EXOC6B: variants seen among roughly 807,000 people sequenced by gnomAD.
The protein encoded by EXOC6B is SEC15 homolog B.
In EXOC6B, 54 loss-of-function variants were observed where a neutral mutation model predicts 113.5. The observed-to-expected ratio is 0.48, with a 90% confidence interval of 0.38 to 0.60. The LOEUF is 0.60. EXOC6B is among the 20% of genes least tolerant of loss of function. The pLI is 0.00. For synonymous variants in EXOC6B, 357 were observed against 339.0 expected, an observed-to-expected ratio of 1.05 and a Z score of -0.58; for missense variants, 797 against 977.5, an observed-to-expected ratio of 0.82 and a Z score of 2.46.
At chr2:72,454,098 G>T (rs557466927) in intron 18 of EXOC6B, among the ~76,000 whole-genome samples, 7 of 152,240 alleles carry the variant, frequency 4.6e-5, no homozygotes, top group South Asian at 4.2e-4. Flanking sequence ...GACACGCGGG[G>T]ATTATTACAA....
At chr2:72,366,199 T>A (rs927869351) in intron 19 of EXOC6B, among the ~76,000 whole-genome samples, 1 of 151,748 alleles carries the variant, frequency 6.6e-6, no homozygotes, top group Admixed American at 6.6e-5. Context: ...GTTCCATATG[T>A]TAACAAGGTA....
At chr2:72,507,570 AAAAATT>A (rs1230796569) in intron 11 of EXOC6B, among the ~76,000 whole-genome samples, 1 of 152,066 alleles carries the variant, frequency 6.6e-6, no homozygotes, top group Non-Finnish European at 1.5e-5. Context: ...CCCCAGAACT[AAAAATT>A]AAAATTAAAA....
intron 1 of EXOC6B, among the ~76,000 whole-genome samples, chr2:72,762,761 T>C (rs984709309): frequency 3.9e-5 from 6 of 151,908 alleles, no homozygotes; most frequent in Non-Finnish European, 5.9e-5. Flanking sequence ...TATAAAATAT[T>C]ATTATTATTT....
At chr2:72,505,071 T>C (rs1437036854) in intron 11 of EXOC6B, among the ~76,000 whole-genome samples, 1 of 152,226 alleles carries the variant, frequency 6.6e-6, no homozygotes, top group Admixed American at 6.5e-5. Context: ...GTGAGGTTTT[T>C]TTCTTATAAT....
At chr2:72,513,559 C>A (rs1701058959) in intron 10 of EXOC6B, among the ~76,000 whole-genome samples, 2 of 151,396 alleles carry the variant, frequency 1.3e-5, no homozygotes, top group Non-Finnish European at 2.9e-5. Context: ...GTAATGGAGG[C>A]AAATTTTGTT....
chr2:72,554,662 T>C (rs1363573771), intron 8 of EXOC6B, among the ~76,000 whole-genome samples: 1 of 152,192 alleles, frequency 6.6e-6, no homozygotes. Flanking sequence ...ATTAAACCTC[T>C]TTTCTTTATA....
At chr2:72,302,106 A>T (rs1686569163) in intron 20 of EXOC6B, among the ~76,000 whole-genome samples, 1 of 152,204 alleles carries the variant, frequency 6.6e-6, no homozygotes, top group Non-Finnish European at 1.5e-5. Context: ...CCCAAAAGTC[A>T]TTCAGGAGCA....
intron 1 of EXOC6B, among the ~76,000 whole-genome samples, chr2:72,766,242 G>A (rs1408643223): frequency 6.6e-6 from 1 of 152,188 alleles, no homozygotes; most frequent in Non-Finnish European, 1.5e-5. Flanking sequence ...AGCCAGCTCA[G>A]TCGTTGACTG....
chr2:72,682,635 T>C lies in EXOC6B; in HGVS notation c.669+35468A>G, dbSNP rs559563911. Among the ~76,000 whole-genome samples the C allele has an allele frequency of 5.3e-5, 8 of 152,310 alleles. No homozygotes were observed. In the South Asian group the frequency reaches 1.0e-3, roughly 20 times the overall value. On this transcript the variant is annotated intron_variant, in intron 6 of 21. Coordinates refer to ENST00000272427, the MANE Select transcript of EXOC6B (RefSeq NM_015189.3). Reference sequence around the variant, plus strand: ...AAGAAAAACAGAACTATTCATTCAATTGATAATTTTAAAAGATATAAGTTG... The same window carrying C: ...AAGAAAAACAGAACTATTCATTCAACTGATAATTTTAAAAGATATAAGTTG...
At chr2:72,605,549 A>G (rs1247766995) in intron 6 of EXOC6B, among the ~76,000 whole-genome samples, 1 of 152,180 alleles carries the variant, frequency 6.6e-6, no homozygotes, top group Non-Finnish European at 1.5e-5. Flanking sequence ...TAACCAAATT[A>G]TTATCTTTGC....
chr2:72,237,681 C>T (rs1277029707), intron 20 of EXOC6B, among the ~76,000 whole-genome samples: 7 of 152,156 alleles, frequency 4.6e-5, no homozygotes, highest in African/African-American at 1.4e-4. Flanking sequence ...CAGTTCGTGT[C>T]GGACTTCACA....
chr2:72,512,861 T>C (rs1451657801), intron 11 of EXOC6B, among the ~76,000 whole-genome samples: 2 of 152,054 alleles, frequency 1.3e-5, no homozygotes, highest in African/African-American at 4.8e-5. Flanking sequence ...AGAGAATATG[T>C]ATGAAGTAAA....
chr2:72,655,426 T>C (rs1674506085), intron 6 of EXOC6B, among the ~76,000 whole-genome samples: 1 of 152,078 alleles, frequency 6.6e-6, no homozygotes, highest in Middle Eastern at 3.4e-3. Context: ...TGGAGGAAGA[T>C]ACATTCTGAA....
intron 20 of EXOC6B, among the ~76,000 whole-genome samples, chr2:72,217,588 C>G (rs989104580): frequency 6.6e-5 from 10 of 152,204 alleles, no homozygotes; most frequent in Admixed American, 2.6e-4. Context: ...AAGACATGGT[C>G]TTACAAAACA....
At chr2:72,223,205 A>G (rs914667922) in intron 20 of EXOC6B, among the ~76,000 whole-genome samples, 4 of 151,648 alleles carry the variant, frequency 2.6e-5, no homozygotes, top group Middle Eastern at 3.2e-3. Context: ...ACAGTCACTG[A>G]GAGACCACTA....
At chr2:72,439,019 A>G (rs932899295) in intron 18 of EXOC6B, among the ~76,000 whole-genome samples, 2 of 152,194 alleles carry the variant, frequency 1.3e-5, no homozygotes, top group African/African-American at 4.8e-5. Context: ...CTAAAGGCAG[A>G]AAAATCCTAC....
chr2:72,430,295 T>C (rs1054148283), intron 18 of EXOC6B, among the ~76,000 whole-genome samples: 2 of 152,206 alleles, frequency 1.3e-5, no homozygotes, highest in African/African-American at 4.8e-5. Flanking sequence ...AATCTTGAAA[T>C]CTGCTTACAA....
At chr2:72,431,786 A>T (rs946023349) in intron 18 of EXOC6B, among the ~76,000 whole-genome samples, 5 of 151,452 alleles carry the variant, frequency 3.3e-5, no homozygotes, top group African/African-American at 1.2e-4. Flanking sequence ...TCCTAATGCT[A>T]CCCCTCCCCT....
chr2:72,397,640 T>TAAAAG (rs1692823649), intron 18 of EXOC6B, among the ~76,000 whole-genome samples: 1 of 131,398 alleles, frequency 7.6e-6, no homozygotes, highest in Admixed American at 7.0e-5. Flanking sequence ...TAAAATAAAA[T>TAAAAG]AAAATAAAAT....
Sources: gnomAD v4.1 joint callset for allele counts (sites outside exome capture counted in the v4.1 genomes callset) on GRCh38, gnomAD v4.1.1 for gene constraint, MANE v1.5 for transcripts, NCBI Gene and HGNC (gene_info 2026-07-23, HGNC 2026-07-21) for gene names.